Variants in KCNAB1 observed in about 807,000 individuals in gnomAD.
KCNAB1 encodes voltage-gated potassium channel subunit beta-1.
In KCNAB1, 35 loss-of-function variants were observed where a neutral mutation model predicts 64.6. The observed-to-expected ratio is 0.54, with a 90% CI of 0.41 to 0.72. KCNAB1 has a LOEUF of 0.72. KCNAB1 is among the 30% of genes least tolerant of loss of function. The probability of loss-of-function intolerance (pLI) is 0.00; values close to 1 mark genes in which losing one functional copy is unlikely to be tolerated. For synonymous variants in KCNAB1, 177 were observed against 183.8 expected (o/e 0.96, Z 0.30); for missense variants, 401 against 512.9 (o/e 0.78, Z 2.11).
intron 1 of KCNAB1, among the ~76,000 whole-genome samples, chr3:156,269,052 G>C (rs558319234): frequency 6.6e-6 from 1 of 151,956 alleles, no homozygotes; most frequent in African/African-American, 2.4e-5. Context: ...GAAAAATAAC[G>C]GCCTAATTTT....
At chr3:156,324,367 A>G (rs1722843625) in intron 1 of KCNAB1, among the ~76,000 whole-genome samples, 1 of 152,206 alleles carries the variant, frequency 6.6e-6, no homozygotes, top group Non-Finnish European at 1.5e-5. Flanking sequence ...AGGTAAGTAG[A>G]AAGTGGTTTC....
intron 1 of KCNAB1, among the ~76,000 whole-genome samples, chr3:156,188,022 C>T (rs1375941045): frequency 6.6e-6 from 1 of 151,364 alleles, no homozygotes; most frequent in East Asian, 1.9e-4. Context: ...CCTTGGTGGG[C>T]AGAGCAATAC....
At chr3:156,139,952 A>C (rs1714610564) in intron 1 of KCNAB1, among the ~76,000 whole-genome samples, 1 of 152,194 alleles carries the variant, frequency 6.6e-6, no homozygotes, top group South Asian at 2.1e-4. Flanking sequence ...CAAAGGAGGT[A>C]CAAGTACCAC....
At chr3:156,209,022 T>C (rs147029512) in intron 1 of KCNAB1, among the ~76,000 whole-genome samples, 5 of 152,388 alleles carry the variant, frequency 3.3e-5, no homozygotes, top group East Asian at 1.9e-4. Flanking sequence ...GGGTTATTCA[T>C]GTATTTAGTG....
chr3:156,415,992 C>G (rs1053118270), intron 1 of KCNAB1, among the ~76,000 whole-genome samples: 3 of 152,158 alleles, frequency 2.0e-5, no homozygotes, highest in Admixed American at 1.3e-4. Flanking sequence ...CCCTCTTCAC[C>G]CAGCTGGCCA....
intron 1 of KCNAB1, chr3:156,290,877 A>G: frequency 1.2e-6 from 1 of 841,612 alleles, no homozygotes; most frequent in East Asian, 1.2e-4. Flanking sequence ...AGGAAACCAA[A>G]CTTATCTGCT....
At chr3:156,432,750 G>A (rs1181439005) in intron 2 of KCNAB1, among the ~76,000 whole-genome samples, 4 of 151,944 alleles carry the variant, frequency 2.6e-5, no homozygotes, top group African/African-American at 7.3e-5. Flanking sequence ...CTTTCCTTTG[G>A]CCCTTGCTGA....
At chr3:156,298,403 A>G (rs1720936634) in intron 1 of KCNAB1, among the ~76,000 whole-genome samples, 1 of 152,254 alleles carries the variant, frequency 6.6e-6, no homozygotes, top group South Asian at 2.1e-4. Context: ...CCTTAATCCC[A>G]CATCCACTCA....
At chr3:156,471,871 A>G (rs1713926836) in intron 7 of KCNAB1, among the ~76,000 whole-genome samples, 1 of 152,238 alleles carries the variant, frequency 6.6e-6, no homozygotes. Flanking sequence ...TTGCAGTCAC[A>G]TGAAAGACCA....
intron 1 of KCNAB1, among the ~76,000 whole-genome samples, chr3:156,203,908 T>A (rs923503352): frequency 2.6e-5 from 4 of 152,240 alleles, no homozygotes; most frequent in African/African-American, 9.6e-5. Context: ...GATCTTCTTC[T>A]AAACTTCTGT....
At chr3:156,203,680 T>C (rs762669228) in intron 1 of KCNAB1, among the ~76,000 whole-genome samples, 10 of 152,242 alleles carry the variant, frequency 6.6e-5, no homozygotes, top group Non-Finnish European at 1.3e-4. Context: ...TCAAATCATG[T>C]TTGTTTTCTG....
intron 1 of KCNAB1, among the ~76,000 whole-genome samples, chr3:156,175,329 C>T (rs962183732): frequency 7.9e-5 from 12 of 152,142 alleles, no homozygotes; most frequent in Admixed American, 1.3e-4. Context: ...TAAAATACAA[C>T]GTCCCTGAAG....
intron 1 of KCNAB1, among the ~76,000 whole-genome samples, chr3:156,261,892 T>G (rs1340900091): frequency 6.6e-6 from 1 of 152,038 alleles, no homozygotes; most frequent in African/African-American, 2.4e-5. Context: ...GATCTTTAAT[T>G]GCTCAGTAAC....
At chr3:156,321,567 T>G (rs1253530031) in intron 1 of KCNAB1, among the ~76,000 whole-genome samples, 1 of 152,212 alleles carries the variant, frequency 6.6e-6, no homozygotes, top group African/African-American at 2.4e-5. Flanking sequence ...CCCTTATGCT[T>G]CCAGTTTTTC....
intron 1 of KCNAB1, among the ~76,000 whole-genome samples, chr3:156,276,295 A>C (rs1044867266): frequency 2.0e-5 from 3 of 152,178 alleles, no homozygotes; most frequent in Non-Finnish European, 4.4e-5. Context: ...ATGTGCTGTC[A>C]TCCAGGCTTT....
intron 8 of KCNAB1, among the ~76,000 whole-genome samples, chr3:156,484,318 T>G (rs1226217503): frequency 6.6e-6 from 1 of 152,122 alleles, no homozygotes; most frequent in Non-Finnish European, 1.5e-5. Flanking sequence ...TCCAAAAGGA[T>G]GCTTTTTTCT....
chr3:156,238,266 C>CA (rs1716960047), intron 1 of KCNAB1, among the ~76,000 whole-genome samples: 1 of 151,948 alleles, frequency 6.6e-6, no homozygotes, highest in East Asian at 1.9e-4. Context: ...ACTAAAAATA[C>CA]AAAAAATTAG....
chr3:156,258,832 T>C (rs994278089), intron 1 of KCNAB1, among the ~76,000 whole-genome samples: 3 of 152,200 alleles, frequency 2.0e-5, no homozygotes, highest in Non-Finnish European at 4.4e-5. Flanking sequence ...CAGACAACTA[T>C]ATTGCTATAA....
At chr3:156,290,351 T>C (rs1720333042) in intron 1 of KCNAB1, among the ~76,000 whole-genome samples, 1 of 152,204 alleles carries the variant, frequency 6.6e-6, no homozygotes, top group South Asian at 2.1e-4. Flanking sequence ...TAAATACTGG[T>C]TCTTTTTGCT....
Sources: allele counts gnomAD v4.1 joint callset (sites outside exome capture counted in the v4.1 genomes callset), GRCh38; gene constraint gnomAD v4.1.1; transcripts MANE v1.5; gene names NCBI Gene and HGNC (gene_info 2026-07-23, HGNC 2026-07-21).